Variants in LYZL4 observed in about 807,000 individuals in gnomAD.
The protein encoded by LYZL4 is lysozyme like 4.
Under a neutral mutation model 17.6 loss-of-function variants are expected in LYZL4, and 13 were observed. The observed-to-expected ratio is 0.74, with a 90% CI of 0.48 to 1.18. LYZL4 has a LOEUF of 1.18. Among genes scored for constraint, LYZL4 ranks in the 50% most tolerant of loss-of-function variants. The probability of loss-of-function intolerance (pLI) is 0.00; values close to 1 mark genes in which losing one functional copy is unlikely to be tolerated. For missense variants in LYZL4, 174 were observed against 188.2 expected (o/e 0.92, Z 0.44); for synonymous variants, 64 against 67.7 (o/e 0.95, Z 0.27).
the LYZL4 span, among the ~76,000 whole-genome samples, chr3:42,363,716 AGAAG>A: frequency 6.6e-6 from 1 of 152,220 alleles, no homozygotes; most frequent in Non-Finnish European, 1.5e-5. Flanking sequence ...TAACAGATGT[AGAAG>A]GAAGGGCGGA....
the LYZL4 span, among the ~76,000 whole-genome samples, chr3:42,377,655 G>A: frequency 6.6e-6 from 1 of 151,840 alleles, no homozygotes; most frequent in Non-Finnish European, 1.5e-5. Flanking sequence ...GTGTGTGTGT[G>A]TGTGTGTGTG....
At chr3:42,362,373 C>A in the LYZL4 span, among the ~76,000 whole-genome samples, 2 of 152,272 alleles carry the variant, frequency 1.3e-5, no homozygotes, top group East Asian at 1.9e-4. Flanking sequence ...AGTGTAATAA[C>A]CAATTCGGGC....
chr3:42,365,393 C>A, the LYZL4 span, among the ~76,000 whole-genome samples: 28 of 152,160 alleles, frequency 1.8e-4, no homozygotes, highest in Admixed American at 1.3e-3. Context: ...GTTTATTTCA[C>A]GCTCTCTCAT....
At chr3:42,378,379 C>T in the LYZL4 span, among the ~76,000 whole-genome samples, 5 of 152,140 alleles carry the variant, frequency 3.3e-5, no homozygotes, top group South Asian at 1.0e-3. Context: ...AGTTATATAT[C>T]CATTCTGTTG....
At chr3:42,390,769 T>C in the LYZL4 span, among the ~76,000 whole-genome samples, 1 of 152,208 alleles carries the variant, frequency 6.6e-6, no homozygotes, top group African/African-American at 2.4e-5. Flanking sequence ...ACTACATGCC[T>C]ATATTCTAGG....
At chr3:42,385,396 C>T in the LYZL4 span, among the ~76,000 whole-genome samples, 12 of 152,162 alleles carry the variant, frequency 7.9e-5, no homozygotes, top group Non-Finnish European at 1.6e-4. Flanking sequence ...GTATTCAGTA[C>T]AGTAACATGG....
chr3:42,382,976 G>A, the LYZL4 span, among the ~76,000 whole-genome samples: 5 of 151,990 alleles, frequency 3.3e-5, no homozygotes, highest in Non-Finnish European at 4.4e-5. Flanking sequence ...AGGGTAAAGC[G>A]AGGCTAAGTG....
At chr3:42,387,784 C>T in the LYZL4 span, among the ~76,000 whole-genome samples, 1 of 152,210 alleles carries the variant, frequency 6.6e-6, no homozygotes, top group Admixed American at 6.5e-5. Flanking sequence ...CCTCCCTCAC[C>T]TCTAGGTCCT....
intron 4 of LYZL4, among the ~76,000 whole-genome samples, chr3:42,401,556 G>T (rs890988698): frequency 8.5e-5 from 13 of 152,076 alleles, no homozygotes; most frequent in African/African-American, 3.1e-4. Flanking sequence ...CATACTGCAG[G>T]ATCCAGAAGT....
At chr3:42,394,704 T>G (rs1698528324), downstream of LYZL4, among the ~76,000 whole-genome samples, 1 of 152,158 alleles carries the variant, frequency 6.6e-6, no homozygotes, top group South Asian at 2.1e-4. Context: ...TCAGTGGGCT[T>G]GGGCAACCCG....
the LYZL4 span, among the ~76,000 whole-genome samples, chr3:42,373,539 G>A: frequency 2.6e-5 from 4 of 152,174 alleles, no homozygotes; most frequent in East Asian, 3.8e-4. Context: ...TAGCATGGGC[G>A]TGGGGGAGGG....
intron 3 of LYZL4, among the ~76,000 whole-genome samples, chr3:42,406,453 C>CAA (rs565639489): frequency 0.064 from 5,330 of 83,208 alleles, 487 homozygotes; most frequent in African/African-American, 0.1. Context: ...GACTCCGTCT[C>CAA]AAAAAAAAAA....
At chr3:42,379,972 G>A in the LYZL4 span, among the ~76,000 whole-genome samples, 1 of 152,280 alleles carries the variant, frequency 6.6e-6, no homozygotes, top group Non-Finnish European at 1.5e-5. Context: ...ACCGAAAATT[G>A]TAAGTATTTT....
chr3:42,384,282 G>T, the LYZL4 span, among the ~76,000 whole-genome samples: 5 of 152,158 alleles, frequency 3.3e-5, no homozygotes, highest in African/African-American at 1.2e-4. Context: ...AATTTCAAGA[G>T]TCCCTTGCAC....
At chr3:42,382,975 C>A in the LYZL4 span, among the ~76,000 whole-genome samples, 1 of 151,926 alleles carries the variant, frequency 6.6e-6, no homozygotes, top group African/African-American at 2.4e-5. Context: ...GAGGGTAAAG[C>A]GAGGCTAAGT....
chr3:42,363,700 T>C, the LYZL4 span, among the ~76,000 whole-genome samples: 18 of 152,278 alleles, frequency 1.2e-4, no homozygotes, highest in African/African-American at 4.1e-4. Flanking sequence ...CACAGAAGAA[T>C]TGAGGTAACA....
chr3:42,396,340 TTGC>T (rs1419181580), downstream of LYZL4, among the ~76,000 whole-genome samples: 1 of 152,216 alleles, frequency 6.6e-6, no homozygotes, highest in Non-Finnish European at 1.5e-5. Context: ...ACCTGTGCTC[TTGC>T]TGCTGCTGCT....
Position 42,397,248 on chromosome 3 carries a change from AGG to A in LYZL4, c.*15_*16del. ...ACAAGATGCAACTGGTGAGTGCTGCAGGGGCCATGCAGGTGGCTACAGCTTGC... is the reference window on the plus strand; with the variant it reads ...ACAAGATGCAACTGGTGAGTGCTGCAGGCCATGCAGGTGGCTACAGCTTGC... On this transcript the variant is annotated 3_prime_UTR_variant, in exon 5 of 5. Coordinates refer to ENST00000287748, the MANE Select transcript of LYZL4 (RefSeq NM_144634.4). 6.5e-7 allele frequency: 1 copy of A among 1,544,748 alleles called. No individual in the cohort carries two copies. The highest frequency in any genetic ancestry group is 8.8e-7 in the Non-Finnish European group (1 of 1,138,932).
intron 4 of LYZL4, among the ~76,000 whole-genome samples, chr3:42,400,704 A>T (rs912717149): frequency 6.6e-6 from 1 of 152,200 alleles, no homozygotes; most frequent in African/African-American, 2.4e-5. Flanking sequence ...CTTAGGAAAT[A>T]TGACACTCTT....
Sources: gnomAD v4.1 joint callset for allele counts (sites outside exome capture counted in the v4.1 genomes callset) on GRCh38, gnomAD v4.1.1 for gene constraint, MANE v1.5 for transcripts, NCBI Gene and HGNC (gene_info 2026-07-23, HGNC 2026-07-21) for gene names.